Variants in NCKAP1 observed in about 807,000 individuals in gnomAD.
NCKAP1 encodes the protein NCK associated protein 1.
NCKAP1 carries 21 observed loss-of-function variants against 151.2 expected under a neutral mutation model. That is an observed-to-expected ratio of 0.14 (90% confidence interval 0.10 to 0.20). The LOEUF is 0.20. Among genes scored for constraint, NCKAP1 ranks in the 10% least tolerant of loss-of-function variants. The pLI is 1.00. For synonymous variants in NCKAP1, 484 were observed against 451.8 expected (o/e 1.07, Z -0.90); for missense variants, 933 against 1,352.1 (o/e 0.69, Z 4.86).
Position 183,009,810 on chromosome 2 carries a change from G to C in NCKAP1, c.220-6485C>G, listed in dbSNP as rs140661472. Among the ~76,000 whole-genome samples, 233 of 152,286 alleles carry C rather than the reference G, an allele frequency of 1.5e-3. 2 individuals carry two copies. The highest frequency in any genetic ancestry group is 1.8e-3 in the Non-Finnish European group (124 of 68,032). ...ACAGAAACAGACCAGAAAAGGGTAA[G>C]ATGCCAATCCGGGTCTATGAGATTC... On this transcript the variant is annotated intron_variant, in intron 2 of 30. Transcript: ENST00000361354.
intron 1 of NCKAP1, among the ~76,000 whole-genome samples, chr2:183,027,871 G>C (rs1469049491): frequency 3.3e-5 from 5 of 151,882 alleles, no homozygotes; most frequent in Non-Finnish European, 7.4e-5. Flanking sequence ...GCCTGCTATT[G>C]GTATACTTGA....
In NCKAP1 at chr2:182,935,574, G is replaced by T. The variant is rs553653184; in HGVS notation, c.2696-199C>A. On this transcript the variant is annotated intron_variant, in intron 24 of 30. Coordinates refer to ENST00000361354, the MANE Select transcript of NCKAP1 (RefSeq NM_013436.5). The stretch of plus-strand genomic sequence containing the variant: ...ATATTTAAACTGGTTAAACTTTTAA[G>T]TAACTATAGTTTCCATCAAATGGAG... 6 of 405,922 alleles carry T rather than the reference G, an allele frequency of 1.5e-5. No homozygotes were observed. The Admixed American group carries it at 2.6e-4, about 18-fold the overall frequency. 25.1% of individuals were successfully genotyped at this position (405,922 alleles called of 1,614,324 possible).
intron 6 of NCKAP1, among the ~76,000 whole-genome samples, chr2:182,997,335 C>A (rs1434237028): frequency 6.6e-6 from 1 of 152,122 alleles, no homozygotes; most frequent in Non-Finnish European, 1.5e-5. Context: ...CTTGTAAGTG[C>A]AAGGTTAGGT....
In NCKAP1 at chr2:182,989,050, G is replaced by C; in HGVS notation, c.927C>G (p.Asp309Glu). 1 of 1,612,036 alleles carries C rather than the reference G, an allele frequency of 6.2e-7. No individual in the cohort carries two copies. The highest frequency in any genetic ancestry group is 8.5e-7 in the Non-Finnish European group (1 of 1,179,554). ...EVFHIHKAAE[D>E]LFVNIRGYNK... ...CATACCCTCGTATGTTTACAAATAA[G>C]TCTTCTGCAGCTTTGTGAATGTGGA... The change falls in exon 9 of 31, where the codon GAC (aspartate) becomes GAG (glutamate). Residue 309 changes from aspartate to glutamate, a missense_variant. Physicochemically the swap from Asp to Glu is conservative, Grantham distance 45. Transcript: ENST00000361354.
At chr2:182,935,598 A>T in intron 24 of NCKAP1, 1 of 323,388 alleles carries the variant, frequency 3.1e-6, no homozygotes. Context: ...CATCAAATGG[A>T]GTATATTGTG....
chr2:183,015,921 A>G (rs909430692), intron 2 of NCKAP1, among the ~76,000 whole-genome samples: 2 of 152,088 alleles, frequency 1.3e-5, no homozygotes, highest in Non-Finnish European at 2.9e-5. Flanking sequence ...GAAGTAATCA[A>G]TGATCCAAAA....
chr2:182,958,707 C>T (rs952179764), intron 18 of NCKAP1, among the ~76,000 whole-genome samples: 1 of 151,946 alleles, frequency 6.6e-6, no homozygotes, highest in African/African-American at 2.4e-5. Context: ...ATTGTTAAGA[C>T]CAATAATTAA....
intron 26 of NCKAP1, 77 bp from the exon 27 acceptor site, chr2:182,930,865 T>C: frequency 7.9e-7 from 1 of 1,264,854 alleles, no homozygotes; most frequent in Non-Finnish European, 1.1e-6. Flanking sequence ...TATTAGAGTC[T>C]GCCTAGAAGA....
In NCKAP1 at chr2:182,919,084, G is replaced by C. The variant is rs928742584; in HGVS notation, c.*6618C>G. 1 of 152,208 alleles carries C rather than the reference G, an allele frequency of 6.6e-6. No homozygotes were observed. Among genetic ancestry groups the C allele is most frequent in the Non-Finnish European group, 1.5e-5 (1 of 68,034 alleles). 9.4% of individuals were successfully genotyped at this position (152,208 alleles called of 1,614,324 possible). The stretch of plus-strand genomic sequence containing the variant: ...GTGAAGACTAAAAGAGCAATATTTA[G>C]AGGTTTGAATTAGAGAAAACAGAGT... On this transcript the variant is annotated 3_prime_UTR_variant, in exon 31 of 31. Coordinates refer to ENST00000361354, the MANE Select transcript of NCKAP1 (RefSeq NM_013436.5).
At chr2:182,980,759 ATTGT>A (rs1405359280) in intron 13 of NCKAP1, among the ~76,000 whole-genome samples, 8 of 152,204 alleles carry the variant, frequency 5.3e-5, no homozygotes, top group Middle Eastern at 3.4e-3. Flanking sequence ...TACCAATTAT[ATTGT>A]CTCTATCATC....
At chr2:182,979,432 T>A (rs180870126) in intron 13 of NCKAP1, among the ~76,000 whole-genome samples, 49 of 152,234 alleles carry the variant, frequency 3.2e-4, no homozygotes, top group African/African-American at 1.1e-3. Context: ...TCCTTTTCAA[T>A]CTAGCTTAAA....
At chr2:182,991,960 T>A (rs1698178802) in intron 8 of NCKAP1, among the ~76,000 whole-genome samples, 1 of 152,158 alleles carries the variant, frequency 6.6e-6, no homozygotes, top group South Asian at 2.1e-4. Flanking sequence ...ACTCTTAGCA[T>A]CGGGCTATAA....
At chr2:182,955,450 T>A (rs1353499235) in intron 20 of NCKAP1, among the ~76,000 whole-genome samples, 2 of 152,136 alleles carry the variant, frequency 1.3e-5, no homozygotes, top group Non-Finnish European at 2.9e-5. Context: ...GTTAAAACAA[T>A]ATATATAAAG....
chr2:182,975,538 T>C (rs944920397), intron 15 of NCKAP1, among the ~76,000 whole-genome samples: 1 of 152,164 alleles, frequency 6.6e-6, no homozygotes, highest in African/African-American at 2.4e-5. Context: ...CATCTAAAAA[T>C]GGCTTCCACA....
intron 23 of NCKAP1, among the ~76,000 whole-genome samples, chr2:182,952,021 T>C (rs1251320620): frequency 1.3e-5 from 2 of 152,188 alleles, no homozygotes; most frequent in Non-Finnish European, 2.9e-5. Flanking sequence ...AATTTTTGTA[T>C]TATAATCTAT....
At chr2:182,940,999 G>C (rs867379813) in intron 24 of NCKAP1, among the ~76,000 whole-genome samples, 7 of 152,252 alleles carry the variant, frequency 4.6e-5, no homozygotes, top group Admixed American at 1.3e-4. Flanking sequence ...AAGCATTTAA[G>C]AGAAAAATGT....
intron 6 of NCKAP1, among the ~76,000 whole-genome samples, chr2:183,000,228 T>C (rs184602608): frequency 5.9e-5 from 9 of 152,246 alleles, no homozygotes; most frequent in Middle Eastern, 3.4e-3. Context: ...TAGAAAAAAA[T>C]CAAGATTGGA....
chr2:182,993,767 T>C (rs1698214733), intron 8 of NCKAP1, among the ~76,000 whole-genome samples: 1 of 152,162 alleles, frequency 6.6e-6, no homozygotes, highest in Non-Finnish European at 1.5e-5. Flanking sequence ...CTATGCTTAT[T>C]ACCTGGGTGA....
At chr2:183,014,610 C>T (rs1257760833) in intron 2 of NCKAP1, among the ~76,000 whole-genome samples, 1 of 152,050 alleles carries the variant, frequency 6.6e-6, no homozygotes, top group Non-Finnish European at 1.5e-5. Context: ...TATTCTTGGC[C>T]AAGATGAGTA....
Sources: allele counts gnomAD v4.1 joint callset (sites outside exome capture counted in the v4.1 genomes callset), GRCh38; gene constraint gnomAD v4.1.1; transcripts MANE v1.5; gene names NCBI Gene and HGNC (gene_info 2026-07-23, HGNC 2026-07-21).